Variants in DCTN6 observed in about 807,000 individuals in gnomAD.
DCTN6 encodes dynactin 6.
A neutral mutation model predicts 25.8 loss-of-function variants in DCTN6; 15 were observed. The observed-to-expected ratio is 0.58, with a 90% CI of 0.39 to 0.89. The LOEUF is 0.89. DCTN6 is among the 40% of genes least tolerant of loss of function. The pLI is 0.00. For synonymous variants in DCTN6, 64 were observed against 78.3 expected (o/e 0.82, Z 0.96); for missense variants, 198 against 237.6 (o/e 0.83, Z 1.09).
chr8:30,180,916 C>A, intron 6 of DCTN6: 1 of 431,644 alleles, frequency 2.3e-6, no homozygotes, highest in Non-Finnish European at 4.1e-6. Context: ...GACTATAGTC[C>A]AGCTACTGAG....
At chr8:30,180,316 T>C (rs955323934) in intron 5 of DCTN6, among the ~76,000 whole-genome samples, 172 bp from the exon 6 acceptor site, 3 of 152,230 alleles carry the variant, frequency 2.0e-5, no homozygotes, top group African/African-American at 7.2e-5. Flanking sequence ...CATCTGACCC[T>C]GGCTTGTACT....
rs16876593 is a variant in DCTN6 at position 30,159,572 on chromosome 8, A to G, written c.23+3166A>G. 3.8e-3 allele frequency among the ~76,000 whole-genome samples: 582 copies of G among 152,226 alleles called. 3 individuals carry two copies. Among genetic ancestry groups the G allele is most frequent in the East Asian group, 0.02 (104 of 5,168 alleles). On this transcript the variant is annotated intron_variant, in intron 1 of 6. Transcript: ENST00000221114. ...TCAGAATCTGTATTTTCAGTCGCTT[A>G]TTGGATATATCTGGTGACCATTCCA...
At chr8:30,177,349 G>A in intron 4 of DCTN6, 135 bp downstream of exon 4, 1 of 627,150 alleles carries the variant, frequency 1.6e-6, no homozygotes, top group Non-Finnish European at 2.7e-6. Flanking sequence ...TTGTAAAATT[G>A]TCATAATTTA....
At chr8:30,166,243 T>A (rs894693525) in intron 2 of DCTN6, among the ~76,000 whole-genome samples, 2 of 152,090 alleles carry the variant, frequency 1.3e-5, no homozygotes, top group African/African-American at 4.8e-5. Flanking sequence ...TTCTTCCCCA[T>A]TTTACATTTT....
chr8:30,179,854 TATC>T (rs1803889642), intron 5 of DCTN6, among the ~76,000 whole-genome samples: 1 of 152,072 alleles, frequency 6.6e-6, no homozygotes, highest in South Asian at 2.1e-4. Flanking sequence ...CAGAAACAAA[TATC>T]ATGTGCTTGT....
At chr8:30,160,863 TG>T (rs1803585488) in intron 1 of DCTN6, among the ~76,000 whole-genome samples, 1 of 152,204 alleles carries the variant, frequency 6.6e-6, no homozygotes, top group African/African-American at 2.4e-5. Flanking sequence ...TTGTGGTCCA[TG>T]GGGCCTGTAA....
chr8:30,179,264 A>G, intron 4 of DCTN6, 144 bp from the exon 5 acceptor site: 4 of 497,828 alleles, frequency 8.0e-6, no homozygotes, highest in Non-Finnish European at 1.4e-5. Context: ...CAGATTGCCC[A>G]GAGCAAAGAG....
At chr8:30,179,897 G>A (rs755113883) in intron 5 of DCTN6, among the ~76,000 whole-genome samples, 1 of 152,114 alleles carries the variant, frequency 6.6e-6, no homozygotes, top group Non-Finnish European at 1.5e-5. Context: ...ATTACCTAAA[G>A]TCACTGTCAC....
At chr8:30,179,337 T>C in intron 4 of DCTN6, 71 bp from the exon 5 acceptor site, 2 of 1,315,328 alleles carry the variant, frequency 1.5e-6, no homozygotes, top group Non-Finnish European at 2.1e-6. Flanking sequence ...CAGTGCAATG[T>C]AAGTACATAC....
chr8:30,174,631 C>T (rs902433416), intron 2 of DCTN6, among the ~76,000 whole-genome samples: 7 of 152,128 alleles, frequency 4.6e-5, no homozygotes, highest in African/African-American at 1.7e-4. Context: ...AAGACTAATT[C>T]GGAGGTACAC....
chr8:30,171,208 G>A (rs1045965997), intron 2 of DCTN6, among the ~76,000 whole-genome samples: 2 of 152,020 alleles, frequency 1.3e-5, no homozygotes, highest in African/African-American at 4.8e-5. Context: ...AGTGGCAGAG[G>A]ATCTGCTTTC....
At chr8:30,163,154 A>G (rs1803618798) in intron 1 of DCTN6, among the ~76,000 whole-genome samples, 2 of 152,134 alleles carry the variant, frequency 1.3e-5, no homozygotes, top group South Asian at 2.1e-4. Flanking sequence ...AAAATTAGCC[A>G]GGTGTGGTGG....
chr8:30,174,186 G>T (rs1348474905), intron 2 of DCTN6, among the ~76,000 whole-genome samples: 1 of 152,136 alleles, frequency 6.6e-6, no homozygotes, highest in Non-Finnish European at 1.5e-5. Flanking sequence ...AACCTTTTCA[G>T]CTTTCACTGG....
Position 30,178,467 on chromosome 8 carries a change from G to T in DCTN6, c.284-941G>T, listed in dbSNP as rs186458389. On this transcript the variant is annotated intron_variant, in intron 4 of 6. Coordinates refer to ENST00000221114, the MANE Select transcript of DCTN6 (RefSeq NM_006571.4). The stretch of plus-strand genomic sequence containing the variant: ...AATGAGCGAAACTCCGTCTCAAAAA[G>T]ATTAAAAAAAAAAAAAAAAAAAAGA... Among the ~76,000 whole-genome samples, 375 of 45,512 alleles carry T rather than the reference G, an allele frequency of 8.2e-3. 9 individuals carry two copies. The East Asian group carries it at 0.17, about 21-fold the overall frequency. The allele number at this position is 45,512 out of a possible 152,430, so 29.9% of individuals were successfully genotyped here.
intron 1 of DCTN6, among the ~76,000 whole-genome samples, chr8:30,159,052 G>T (rs950662730): frequency 4.6e-5 from 7 of 152,126 alleles, no homozygotes; most frequent in African/African-American, 1.4e-4. Flanking sequence ...AAAGTGGTGG[G>T]ATTACAGGCG....
At chr8:30,174,208 T>C (rs540510134) in intron 2 of DCTN6, among the ~76,000 whole-genome samples, 1 of 152,314 alleles carries the variant, frequency 6.6e-6, no homozygotes, top group South Asian at 2.1e-4. Flanking sequence ...TTAAATCATA[T>C]CCTGGGCCAG....
chr8:30,179,881 C>A (rs1166633544), intron 5 of DCTN6, among the ~76,000 whole-genome samples: 4 of 152,126 alleles, frequency 2.6e-5, no homozygotes, highest in Non-Finnish European at 5.9e-5. Context: ...TGGGACCAGA[C>A]AGGAGATTAC....
intron 2 of DCTN6, among the ~76,000 whole-genome samples, chr8:30,170,743 G>A (rs1332189431): frequency 1.0e-5 from 1 of 100,034 alleles, no homozygotes; most frequent in Non-Finnish European, 2.0e-5. Context: ...CCGGGTTCAG[G>A]TGACCCTCCT....
chr8:30,174,078 C>G (rs1265213764), intron 2 of DCTN6, among the ~76,000 whole-genome samples: 1 of 152,192 alleles, frequency 6.6e-6, no homozygotes, highest in Non-Finnish European at 1.5e-5. Context: ...CCTGGCTGTT[C>G]CCTTCAATTC....
Sources: allele counts gnomAD v4.1 joint callset (sites outside exome capture counted in the v4.1 genomes callset), GRCh38; gene constraint gnomAD v4.1.1; transcripts MANE v1.5; gene names NCBI Gene and HGNC (gene_info 2026-07-23, HGNC 2026-07-21).